Variants in KDM1A observed in about 807,000 individuals in gnomAD.
KDM1A encodes the protein lysine-specific histone demethylase 1A.
In KDM1A, 49 loss-of-function variants were observed where a neutral mutation model predicts 109.4. That is an observed-to-expected ratio of 0.45 (90% CI 0.36 to 0.57). The LOEUF (loss-of-function observed/expected upper bound fraction) is 0.57. KDM1A is among the 20% of genes least tolerant of loss of function. The probability of loss-of-function intolerance (pLI) is 0.00; values close to 1 mark genes in which losing one functional copy is unlikely to be tolerated. For missense variants in KDM1A, 668 were observed against 1,116.6 expected, an observed-to-expected ratio of 0.60 and a Z score of 5.73; for synonymous variants, 380 against 415.4, an observed-to-expected ratio of 0.91 and a Z score of 1.04.
intron 15 of KDM1A, among the ~76,000 whole-genome samples, chr1:23,075,416 C>G (rs1034985662): frequency 6.6e-6 from 1 of 151,784 alleles, no homozygotes; most frequent in Non-Finnish European, 1.5e-5. Flanking sequence ...ACTAAAAATA[C>G]AAAAATTAGC....
At chr1:23,022,075 A>G (rs1023436217) in intron 1 of KDM1A, among the ~76,000 whole-genome samples, 7 of 152,210 alleles carry the variant, frequency 4.6e-5, no homozygotes, top group African/African-American at 1.4e-4. Context: ...TCATCATTTG[A>G]CGCACATTGG....
intron 9 of KDM1A, among the ~76,000 whole-genome samples, chr1:23,060,045 C>T (rs1642955623): frequency 6.6e-6 from 1 of 152,214 alleles, no homozygotes; most frequent in Non-Finnish European, 1.5e-5. Context: ...GAAGGACAGA[C>T]TCTCAGGGAA....
chr1:23,027,984 A>G (rs190739634), intron 1 of KDM1A, among the ~76,000 whole-genome samples: 22 of 152,212 alleles, frequency 1.4e-4, no homozygotes, highest in Admixed American at 7.9e-4. Context: ...ATCAGATATT[A>G]TTGCTTCTAC....
At position 23,083,600 on chromosome 1, in the gene KDM1A, G is replaced by A. The variant is rs1643685603; in HGVS notation, c.*236G>A. On this transcript the variant is annotated 3_prime_UTR_variant, in exon 21 of 21. Coordinates refer to ENST00000400181, the MANE Select transcript of KDM1A (RefSeq NM_001009999.3). Reference sequence around the variant, plus strand: ...TCTTCGTAAAGACTGAGGCAAGCAAGTGCTGTGAAATAACATCATCTTAGT... The same window carrying A: ...TCTTCGTAAAGACTGAGGCAAGCAAATGCTGTGAAATAACATCATCTTAGT... The A allele has an allele frequency of 5.3e-6, 2 of 378,824 alleles. No homozygotes were observed. Among genetic ancestry groups the A allele is most frequent in the African/African-American group, 2.0e-5 (1 of 49,494 alleles). 23.5% of individuals were successfully genotyped at this position (378,824 alleles called of 1,614,324 possible). A position where few individuals can be genotyped will look rare whatever the true frequency, so the allele number is the denominator to read the frequency against.
chr1:23,078,986 G>A lies in KDM1A; in HGVS notation c.1868-4G>A, dbSNP rs1419539133. On this transcript the variant is annotated splice_region_variant and splice_polypyrimidine_tract_variant and intron_variant, in intron 16 of 20. Transcript: ENST00000400181. ...ACTAGTCTTTTCCCACCCAACCTCT[G>A]CAGGATGTGAAGTGATAGCTGTGAA... The A allele has an allele frequency of 1.2e-6, 2 of 1,612,020 alleles. No homozygotes were observed.
At chr1:23,071,142 G>A (rs1643307368) in intron 12 of KDM1A, 83 bp from the exon 13 acceptor site, 1 of 1,182,892 alleles carries the variant, frequency 8.5e-7, no homozygotes, top group Non-Finnish European at 1.2e-6. Context: ...TAGCAGTTTT[G>A]AGGAGCCAAA....
chr1:23,027,527 A>G (rs1278444002), intron 1 of KDM1A, among the ~76,000 whole-genome samples: 1 of 132,408 alleles, frequency 7.6e-6, no homozygotes, highest in Admixed American at 7.8e-5. Context: ...ACCAGGTTCA[A>G]GTGATCCACC....
rs777572877 is a variant in KDM1A, at chr1:23,019,632, G to A, written c.36G>A (p.Ala12=). 10 of 1,417,590 alleles carry A rather than the reference G, an allele frequency of 7.1e-6. No homozygotes were observed. Among genetic ancestry groups the A allele is most frequent in the Middle Eastern group, 5.2e-4 (2 of 3,874 alleles). 87.8% of individuals were successfully genotyped at this position (1,417,590 alleles called of 1,614,324 possible). The change falls in exon 1 of 21, where the codon GCG becomes GCA. Residue 12 remains alanine (A), a synonymous_variant. Coordinates refer to ENST00000400181, the MANE Select transcript of KDM1A (RefSeq NM_001009999.3). ...GGAAGAAGGCGGCAGCCGCGGCGGCGGCGGCTGCAGCGGCAGCAACCGGGA... is the reference window on the plus strand; with the variant it reads ...GGAAGAAGGCGGCAGCCGCGGCGGCAGCGGCTGCAGCGGCAGCAACCGGGA... ...LSGKKAAAAA[A]AAAAAATGTE...
intron 1 of KDM1A, among the ~76,000 whole-genome samples, chr1:23,025,214 T>C (rs1346355666): frequency 6.6e-6 from 1 of 152,172 alleles, no homozygotes; most frequent in Non-Finnish European, 1.5e-5. Context: ...AGCCACAGAA[T>C]TGGAAGCACA....
chr1:23,062,277 G>A (rs1346861055), intron 9 of KDM1A, among the ~76,000 whole-genome samples: 2 of 152,162 alleles, frequency 1.3e-5, no homozygotes, highest in Non-Finnish European at 1.5e-5. Flanking sequence ...CCTGTGTGAC[G>A]ACATCAGCTG....
chr1:23,059,247 A>G, intron 9 of KDM1A, 80 bp downstream of exon 9: 1 of 884,948 alleles, frequency 1.1e-6, no homozygotes, highest in Non-Finnish European at 1.9e-6. Flanking sequence ...ATGGATGAGC[A>G]TATACATATA....
rs1442030074 is a variant in KDM1A at position 23,055,142 on chromosome 1, G to C, written c.864G>C (p.Lys288Asn). The C allele has an allele frequency of 6.2e-7, 1 of 1,610,486 alleles. No individual in the cohort carries two copies. The highest frequency in any genetic ancestry group is 1.7e-5 in the Admixed American group (1 of 59,136). The change falls in exon 6 of 21, where the codon AAG becomes AAC. Residue 288 changes from lysine to asparagine, a missense_variant. Coordinates refer to ENST00000400181, the MANE Select transcript of KDM1A (RefSeq NM_001009999.3). The stretch of plus-strand genomic sequence containing the variant: ...GTCTTATCAACTTCGGCATCTATAA[G>C]AGGATAAAACCCCTACCAAGTAAGG... Reference protein sequence around the residue: ...RHGLINFGIYKRIKPLPTKKT... With the variant: ...RHGLINFGIYNRIKPLPTKKT...
At chr1:23,071,153 A>G in intron 12 of KDM1A, 72 bp from the exon 13 acceptor site, 1 of 1,356,704 alleles carries the variant, frequency 7.4e-7, no homozygotes, top group Non-Finnish European at 1.0e-6. Flanking sequence ...AGGAGCCAAA[A>G]AAGGGTACAT....
chr1:23,082,975 G>A lies in KDM1A; in HGVS notation c.2446-204G>A, dbSNP rs1643666104. ...AAGCATCACTTTAGGACTGAGCCTA[G>A]GTAGAGTTTTATTGTCTCATTTCTA... On this transcript the variant is annotated intron_variant, in intron 20 of 20. Coordinates refer to ENST00000400181, the MANE Select transcript of KDM1A (RefSeq NM_001009999.3). The A allele has an allele frequency of 2.1e-5, 11 of 535,768 alleles. No individual in the cohort carries two copies. The South Asian group carries it at 2.6e-4, about 13-fold the overall frequency. The allele number at this position is 535,768 out of a possible 1,614,324, so 33.2% of individuals were successfully genotyped here. A position where few individuals can be genotyped will look rare whatever the true frequency, so the allele number is the denominator to read the frequency against.
At chr1:23,038,577 TTTC>T (rs1434157241) in intron 2 of KDM1A, among the ~76,000 whole-genome samples, 2 of 152,052 alleles carry the variant, frequency 1.3e-5, no homozygotes, top group African/African-American at 4.8e-5. Flanking sequence ...ATCAGGAAAA[TTTC>T]TACTATGGAA....
intron 2 of KDM1A, among the ~76,000 whole-genome samples, chr1:23,035,031 T>C (rs1392214941): frequency 6.6e-6 from 1 of 152,206 alleles, no homozygotes; most frequent in Non-Finnish European, 1.5e-5. Flanking sequence ...TTTTTAGATG[T>C]GATTGGTAAC....
rs900400926 is a variant in KDM1A, at chr1:23,083,481, C to T, written c.*117C>T. ...CCACCCTGGCATCTGGGCTCCTGAT[C>T]AGCTGATGGAGCTCCTGATTTGACA... On this transcript the variant is annotated 3_prime_UTR_variant, in exon 21 of 21. Coordinates refer to ENST00000400181, the MANE Select transcript of KDM1A (RefSeq NM_001009999.3). 9 of 992,660 alleles carry T rather than the reference C, an allele frequency of 9.1e-6. No homozygotes were observed. In the African/African-American group the frequency reaches 9.8e-5, roughly 11 times the overall value. The allele number at this position is 992,660 out of a possible 1,614,324, so 61.5% of individuals were successfully genotyped here. A position where few individuals can be genotyped will look rare whatever the true frequency, so the allele number is the denominator to read the frequency against.
intron 13 of KDM1A, 122 bp downstream of exon 13, chr1:23,071,481 G>A (rs1178947908): frequency 1.3e-5 from 11 of 874,572 alleles, no homozygotes; most frequent in Admixed American, 5.4e-5. Flanking sequence ...CAATGAAGAC[G>A]ATTTGGTACA....
chr1:23,063,324 G>A (rs1232330278), intron 9 of KDM1A, among the ~76,000 whole-genome samples: 1 of 151,190 alleles, frequency 6.6e-6, no homozygotes, highest in Non-Finnish European at 1.5e-5. Context: ...CTTGAGAATG[G>A]TTCAGCTGTT....
Sources: allele counts gnomAD v4.1 joint callset (sites outside exome capture counted in the v4.1 genomes callset), GRCh38; gene constraint gnomAD v4.1.1; transcripts MANE v1.5; gene names NCBI Gene and HGNC (gene_info 2026-07-23, HGNC 2026-07-21).